The following LMO7 variants were observed in gnomAD, a reference collection of about 807,000 sequenced individuals.
The protein encoded by LMO7 is LIM domain only protein 7.
A neutral mutation model predicts 206.5 loss-of-function variants in LMO7; 120 were observed. That is an observed-to-expected ratio of 0.58 (90% CI 0.50 to 0.68). LMO7 has a LOEUF of 0.68. LMO7 is among the 30% of genes least tolerant of loss of function. LMO7 has a pLI of 0.00. For missense variants in LMO7, 1,959 were observed against 1,957.9 expected, an observed-to-expected ratio of 1.00 and a Z score of -0.01; for synonymous variants, 706 against 681.5, an observed-to-expected ratio of 1.04 and a Z score of -0.56.
chr13:75,779,731 A>G (rs1306545198), intron 4 of LMO7, among the ~76,000 whole-genome samples: 2 of 152,196 alleles, frequency 1.3e-5, no homozygotes, highest in African/African-American at 2.4e-5. Flanking sequence ...CATCCCATTG[A>G]CTTTCTGAAG....
chr13:75,688,751 C>T (rs1257600444), intron 1 of LMO7: 1 of 152,208 alleles, frequency 6.6e-6, no homozygotes, highest in East Asian at 1.9e-4. Context: ...TTCCGTCTCT[C>T]CACACACTGT....
intron 15 of LMO7, among the ~76,000 whole-genome samples, chr13:75,830,466 G>A (rs755586113): frequency 6.6e-6 from 1 of 152,102 alleles, no homozygotes; most frequent in Non-Finnish European, 1.5e-5. Flanking sequence ...GCTTTACCAG[G>A]CCCAGTGACA....
At chr13:75,761,625 ATC>A (rs2048235431) in intron 4 of LMO7, among the ~76,000 whole-genome samples, 1 of 152,098 alleles carries the variant, frequency 6.6e-6, no homozygotes, top group African/African-American at 2.4e-5. Flanking sequence ...GTATGCCAGT[ATC>A]TGTTAGATTT....
chr13:75,791,952 T>TCTCTCCC (rs1344269183), intron 4 of LMO7, among the ~76,000 whole-genome samples: 1 of 152,090 alleles, frequency 6.6e-6, no homozygotes, highest in Non-Finnish European at 1.5e-5. Context: ...TGTTCTCTTC[T>TCTCTCCC]CTCTCCCCTC....
chr13:75,729,202 A>C (rs1461330768), intron 3 of LMO7, among the ~76,000 whole-genome samples: 2 of 148,740 alleles, frequency 1.3e-5, no homozygotes, highest in East Asian at 2.0e-4. Context: ...CATTGAATCT[A>C]TAAATTACCT....
rs79866834 is a variant in LMO7, at chr13:75,819,686, G to T, written c.2207+151G>T. On this transcript the variant is annotated intron_variant, in intron 13 of 30. Coordinates refer to ENST00000377534, the MANE Select transcript of LMO7 (RefSeq NM_001306080.2). ...AGAAACGTTTAAGATTTTGGTCTGC[G>T]GTGAAAAAACAAAGCATTGTTGAAA... 2.8e-5 allele frequency: 21 copies of T among 756,602 alleles called. 1 individual carries two copies. The highest frequency in any genetic ancestry group is 3.4e-5 in the Non-Finnish European group (18 of 523,952). The allele number at this position is 756,602 out of a possible 1,614,324, so 46.9% of individuals were successfully genotyped here. A position where few individuals can be genotyped will look rare whatever the true frequency, so the allele number is the denominator to read the frequency against.
intron 3 of LMO7, among the ~76,000 whole-genome samples, chr13:75,729,014 T>A (rs1214142710): frequency 6.6e-6 from 1 of 152,182 alleles, no homozygotes; most frequent in African/African-American, 2.4e-5. Context: ...TACCATGCTG[T>A]TTTGAGTTAC....
intron 1 of LMO7, 71 bp downstream of exon 1, chr13:75,636,797 C>T (rs1384041933): frequency 1.1e-5 from 15 of 1,399,080 alleles, no homozygotes; most frequent in Non-Finnish European, 1.4e-5. Context: ...GAGGTGACTG[C>T]AGCCCCAGTC....
chr13:75,721,569 G>T (rs534914598), intron 2 of LMO7, among the ~76,000 whole-genome samples: 1 of 152,244 alleles, frequency 6.6e-6, no homozygotes, highest in East Asian at 1.9e-4. Context: ...AACAAAATTG[G>T]TTTTTCATTC....
At position 75,821,514 on chromosome 13, in the gene LMO7, C is replaced by G; in HGVS notation, c.2545C>G (p.Arg849Gly). The change falls in exon 14 of 31, where the codon CGG (arginine) becomes GGG (glycine). Residue 849 changes from arginine to glycine, a missense_variant. By Grantham distance (125) the Arg-to-Gly change is moderately radical. Coordinates refer to ENST00000377534, the MANE Select transcript of LMO7 (RefSeq NM_001306080.2). Reference sequence around the variant, plus strand: ...TTCAGCTTCTCTCCCCAGAAGTTACCGGAAAACTGATACAGTCAGGTTAAC... The same window carrying G: ...TTCAGCTTCTCTCCCCAGAAGTTACGGGAAAACTGATACAGTCAGGTTAAC... ...RVSASLPRSY[R>G]KTDTVRLTSV... 1.9e-6 allele frequency: 3 copies of G among 1,614,044 alleles called. No homozygotes were observed. The highest frequency in any genetic ancestry group is 2.5e-6 in the Non-Finnish European group (3 of 1,179,934).
intron 1 of LMO7, among the ~76,000 whole-genome samples, chr13:75,676,645 C>A (rs1376108017): frequency 6.6e-6 from 1 of 152,230 alleles, no homozygotes; most frequent in East Asian, 1.9e-4. Flanking sequence ...TCCATAGCCA[C>A]TACCAATTGA....
chr13:75,836,608 G>A, intron 19 of LMO7, 151 bp downstream of exon 19: 1 of 551,566 alleles, frequency 1.8e-6, no homozygotes, highest in Non-Finnish European at 3.2e-6. Flanking sequence ...TCCAATTGCA[G>A]CCAGGTGGAA....
Position 75,712,065 on chromosome 13 carries a change from C to T in LMO7, c.70-1117C>T, listed in dbSNP as rs79330651. ...TAACAGATATCATGTCTAGCTGCAG[C>T]GATGTTGGGCACTGTGGAGAGATGC... is the stretch of plus-strand genomic sequence containing the variant. On this transcript the variant is annotated intron_variant, in intron 1 of 30. Transcript: ENST00000377534. 5.5e-3 allele frequency among the ~76,000 whole-genome samples: 842 copies of T among 152,174 alleles called. 15 individuals are homozygous for T. Among genetic ancestry groups the T allele is most frequent in the African/African-American group, 0.019 (786 of 41,504 alleles).
intron 4 of LMO7, among the ~76,000 whole-genome samples, chr13:75,778,518 C>G (rs1160488357): frequency 6.6e-6 from 1 of 152,242 alleles, no homozygotes; most frequent in Non-Finnish European, 1.5e-5. Context: ...AGGCGTGAGC[C>G]ACTGCGCCCG....
At chr13:75,762,305 A>G (rs1251932459) in intron 4 of LMO7, among the ~76,000 whole-genome samples, 1 of 152,160 alleles carries the variant, frequency 6.6e-6, no homozygotes, top group African/African-American at 2.4e-5. Flanking sequence ...TGTAGGGGTC[A>G]TGTTTACTTT....
intron 4 of LMO7, among the ~76,000 whole-genome samples, chr13:75,771,938 T>C (rs1331428082): frequency 6.6e-6 from 1 of 151,688 alleles, no homozygotes; most frequent in Non-Finnish European, 1.5e-5. Flanking sequence ...ATTGGAGGGT[T>C]AAAAACAGGT....
rs1030252083 is a variant in LMO7 at position 75,814,352 on chromosome 13, C to T, written c.1947-2809C>T. Among the ~76,000 whole-genome samples, 7 of 152,164 alleles carry T rather than the reference C, an allele frequency of 4.6e-5. No individual in the cohort carries two copies. In the South Asian group the frequency reaches 6.2e-4, roughly 14 times the overall value. On this transcript the variant is annotated intron_variant, in intron 11 of 30. Transcript: ENST00000377534. ...TAATATGTTTTCCTCCTAAGCAACACGTGACTTGTGAGGAAGAGAATCCAA... is the reference window on the plus strand; with the variant it reads ...TAATATGTTTTCCTCCTAAGCAACATGTGACTTGTGAGGAAGAGAATCCAA...
At chr13:75,842,759 T>C in intron 24 of LMO7, 92 bp from the exon 25 acceptor site, 1 of 767,622 alleles carries the variant, frequency 1.3e-6, no homozygotes, top group East Asian at 2.5e-5. Context: ...ATAAAGAGGC[T>C]AGAATGACAT....
chr13:75,807,637 G>T lies in LMO7; in HGVS notation c.1354G>T (p.Ala452Ser), dbSNP rs1175925958. 1.2e-6 allele frequency: 2 copies of T among 1,614,008 alleles called. No homozygotes were observed. Among genetic ancestry groups the T allele is most frequent in the Non-Finnish European group, 1.7e-6 (2 of 1,179,892 alleles). Residue 452 changes from alanine to serine, a missense_variant, in exon 10 of 31, where the codon GCA becomes TCA. Physicochemically the swap from Ala to Ser is moderately conservative, Grantham distance 99. Transcript: ENST00000377534. ...PGYRRDDLEMAALDPDLENDD... is the reference protein window; with the variant it reads ...PGYRRDDLEMSALDPDLENDD... Reference sequence around the variant, plus strand: ...CTATAGAAGAGATGACCTCGAGATGGCAGCCCTGGATCCTGACTTAGAGAA... The same window carrying T: ...CTATAGAAGAGATGACCTCGAGATGTCAGCCCTGGATCCTGACTTAGAGAA...
Sources: gnomAD v4.1 joint callset for allele counts (sites outside exome capture counted in the v4.1 genomes callset) on GRCh38, gnomAD v4.1.1 for gene constraint, MANE v1.5 for transcripts, NCBI Gene and HGNC (gene_info 2026-07-23, HGNC 2026-07-21) for gene names.